The following PSMC2 variants were observed in gnomAD, a reference collection of about 807,000 sequenced individuals.
PSMC2 encodes 26S proteasome regulatory subunit 7.
A neutral mutation model predicts 53.3 loss-of-function variants in PSMC2; 7 were observed. The observed-to-expected ratio is 0.13, with a 90% CI of 0.07 to 0.25. PSMC2 has a LOEUF of 0.25. Ranked by LOEUF, PSMC2 falls within the 10% of genes least tolerant of loss-of-function variation. The probability of loss-of-function intolerance (pLI) is 1.00; values close to 1 mark genes in which losing one functional copy is unlikely to be tolerated. For synonymous variants in PSMC2, 169 were observed against 183.9 expected, an observed-to-expected ratio of 0.92 and a Z score of 0.66; for missense variants, 241 against 544.0, an observed-to-expected ratio of 0.44 and a Z score of 5.54.
At chr7:103,356,997 AC>A (rs1402833916) in intron 4 of PSMC2, among the ~76,000 whole-genome samples, 6 of 151,658 alleles carry the variant, frequency 4.0e-5, no homozygotes, top group Non-Finnish European at 8.8e-5. Context: ...TTATTTATTC[AC>A]TCACTTTTTA....
chr7:103,363,269 G>A (rs1820517958), intron 6 of PSMC2, 75 bp from the exon 7 acceptor site: 1 of 1,184,788 alleles, frequency 8.4e-7, no homozygotes. Flanking sequence ...TAAGGTATTA[G>A]GTCTATTCTA....
Position 103,352,819 on chromosome 7 carries a change from C to T in PSMC2, c.71-1102C>T, listed in dbSNP as rs1819795757. On this transcript the variant is annotated intron_variant, in intron 1 of 11. Transcript: ENST00000292644. Reference sequence around the variant, plus strand: ...GCTGAGGTCACCCCACTAACAGATTCCAGAGCTGGCATTCAAACCCTGTCC... The same window carrying T: ...GCTGAGGTCACCCCACTAACAGATTTCAGAGCTGGCATTCAAACCCTGTCC... 3 of 780,428 alleles carry T rather than the reference C, an allele frequency of 3.8e-6. No homozygotes were observed. The East Asian group carries it at 7.3e-5, about 19-fold the overall frequency. 48.3% of individuals were successfully genotyped at this position (780,428 alleles called of 1,614,324 possible).
At position 103,363,430 on chromosome 7, in the gene PSMC2, A is replaced by G; in HGVS notation, c.582A>G (p.Pro194=). The G allele has an allele frequency of 6.2e-7, 1 of 1,609,246 alleles. No homozygotes were observed. The highest frequency in any genetic ancestry group is 1.3e-5 in the African/African-American group (1 of 74,954). ...AACTGCGAGAAGTAGTTGAAACCCC[A>G]TTACTTCATGTAAGTAGCTGAGTGT... ...IEKLREVVET[P]LLHPERFVNL... is the part of the protein sequence containing the mutation. The change falls in exon 7 of 12, where the codon CCA becomes CCG. Residue 194 remains proline, a synonymous_variant. Coordinates refer to ENST00000292644, the MANE Select transcript of PSMC2 (RefSeq NM_002803.4).
At chr7:103,358,269 TAG>T (rs1466285330) in intron 4 of PSMC2, among the ~76,000 whole-genome samples, 1 of 152,224 alleles carries the variant, frequency 6.6e-6, no homozygotes, top group Non-Finnish European at 1.5e-5. Flanking sequence ...CTGAAAATTG[TAG>T]AGTCTTCTCT....
At chr7:103,363,653 TCTG>T (rs1257473338) in intron 7 of PSMC2, among the ~76,000 whole-genome samples, 6 of 151,476 alleles carry the variant, frequency 4.0e-5, no homozygotes, top group Admixed American at 2.6e-4. Flanking sequence ...AAAAGAAAGA[TCTG>T]CTGTTTACAG....
At chr7:103,354,745 T>C (rs1819936329) in intron 2 of PSMC2, 123 bp from the exon 3 acceptor site, 3 of 640,598 alleles carry the variant, frequency 4.7e-6, no homozygotes, top group Non-Finnish European at 8.3e-6. Flanking sequence ...AATACCTCTC[T>C]ACTTCACAAG....
chr7:103,362,790 A>C, intron 6 of PSMC2, 32 bp downstream of exon 6: 1 of 995,564 alleles, frequency 1.0e-6, no homozygotes, highest in Non-Finnish European at 1.5e-6. Flanking sequence ...AAGGAAGGCT[A>C]TGTCTTTTTT....
intron 6 of PSMC2, 32 bp downstream of exon 6, chr7:103,362,790 A>ATT (rs773399950): frequency 2.0e-6 from 2 of 995,552 alleles, no homozygotes; most frequent in Non-Finnish European, 3.1e-6. Flanking sequence ...AAGGAAGGCT[A>ATT]TGTCTTTTTT....
chr7:103,360,389 T>C (rs995215975), intron 4 of PSMC2, among the ~76,000 whole-genome samples: 3 of 152,168 alleles, frequency 2.0e-5, no homozygotes, highest in Non-Finnish European at 4.4e-5. Flanking sequence ...ATGGGTATAA[T>C]TCTTCTTCCC....
Position 103,354,952 on chromosome 7 carries a change from A to G in PSMC2, c.190+3A>G, listed in dbSNP as rs779013415. On this transcript the variant is annotated splice_donor_region_variant and intron_variant, in intron 3 of 11. Coordinates refer to ENST00000292644, the MANE Select transcript of PSMC2 (RefSeq NM_002803.4). ...CAAGAAAATTAATGAGCTCACTGGT[A>G]TGTATTTTTAAATTCCCATTTCCTT... 2.5e-5 allele frequency: 39 copies of G among 1,581,206 alleles called. 1 individual carries two copies. In the South Asian group the frequency reaches 4.1e-4, roughly 17 times the overall value.
At chr7:103,347,931 C>A in intron 1 of PSMC2, 150 bp downstream of exon 1, 1 of 766,380 alleles carries the variant, frequency 1.3e-6, no homozygotes, top group Non-Finnish European at 2.2e-6. Flanking sequence ...GCCGGATTAA[C>A]TTGCCTGCCT....
intron 8 of PSMC2, 131 bp downstream of exon 8, chr7:103,364,438 T>TCAA: frequency 7.9e-6 from 8 of 1,015,032 alleles, no homozygotes; most frequent in South Asian, 1.6e-5. Context: ...AGACAGAGTC[T>TCAA]CATTGTGTTG....
At chr7:103,364,363 T>C (rs748982263) in intron 8 of PSMC2, 56 bp downstream of exon 8, 8 of 1,586,642 alleles carry the variant, frequency 5.0e-6, no homozygotes, top group East Asian at 2.2e-5. Flanking sequence ...ACAGTATGAA[T>C]GAAATTAAAA....
chr7:103,352,008 A>T (rs1465017544), intron 1 of PSMC2, among the ~76,000 whole-genome samples: 1 of 151,788 alleles, frequency 6.6e-6, no homozygotes, highest in Non-Finnish European at 1.5e-5. Flanking sequence ...TCAGCGAGCT[A>T]ATTCTTCCTA....
At chr7:103,360,956 A>T (rs974306130) in intron 4 of PSMC2, among the ~76,000 whole-genome samples, 2 of 151,998 alleles carry the variant, frequency 1.3e-5, no homozygotes, top group African/African-American at 4.8e-5. Context: ...TATTAAAAAT[A>T]CAAAACAATT....
intron 1 of PSMC2, among the ~76,000 whole-genome samples, chr7:103,348,370 T>A (rs138123799): frequency 6.6e-6 from 1 of 152,220 alleles, no homozygotes; most frequent in Non-Finnish European, 1.5e-5. Context: ...ATTCCTTTTT[T>A]TTAACACAAA....
intron 7 of PSMC2, 63 bp downstream of exon 7, chr7:103,363,502 C>A (rs1484980123): frequency 1.4e-6 from 2 of 1,411,170 alleles, no homozygotes; most frequent in Non-Finnish European, 2.0e-6. Flanking sequence ...GTATTGAGCA[C>A]TAAAATTGCT....
In PSMC2 at chr7:103,357,546, G is replaced by A. The variant is rs569554157; in HGVS notation, c.290+1753G>A. On this transcript the variant is annotated intron_variant, in intron 4 of 11. Transcript: ENST00000292644. The stretch of plus-strand genomic sequence containing the variant: ...TATCTTTTGGCTTTCCATCATGGAA[G>A]ATGAGGATTTTGTTTTGTTTCCTCT... 1.1e-4 allele frequency among the ~76,000 whole-genome samples: 16 copies of A among 152,224 alleles called. No individual in the cohort carries two copies. In the South Asian group the frequency reaches 3.3e-3, roughly 32 times the overall value.
chr7:103,364,354 C>G (rs780295964), intron 8 of PSMC2, 47 bp downstream of exon 8: 1 of 1,598,346 alleles, frequency 6.3e-7, no homozygotes, highest in South Asian at 1.1e-5. Flanking sequence ...AAAGATTTTA[C>G]AGTATGAATG....
Sources: allele counts gnomAD v4.1 joint callset (sites outside exome capture counted in the v4.1 genomes callset), GRCh38; gene constraint gnomAD v4.1.1; transcripts MANE v1.5; gene names NCBI Gene and HGNC (gene_info 2026-07-23, HGNC 2026-07-21).